ZDHHC11: variants seen among roughly 807,000 people sequenced by gnomAD.
ZDHHC11 encodes the protein zDHHC palmitoyltransferase 11, also known as palmitoyltransferase ZDHHC11.
In ZDHHC11, 44 loss-of-function variants were observed where a neutral mutation model predicts 51.3. The observed-to-expected ratio is 0.86, with a 90% CI of 0.67 to 1.10. The LOEUF is 1.10. ZDHHC11 is among the 50% of genes least tolerant of loss of function. The pLI is 0.00. For missense variants in ZDHHC11, 400 were observed against 537.7 expected, an observed-to-expected ratio of 0.74 and a Z score of 2.53; for synonymous variants, 163 against 222.0, an observed-to-expected ratio of 0.73 and a Z score of 2.36.
chr5:840,837 G>C (rs1446902062), intron 4 of ZDHHC11, 187 bp from the exon 5 acceptor site: 1 of 1,475,232 alleles, frequency 6.8e-7, no homozygotes, highest in East Asian at 2.3e-5. Flanking sequence ...CCTTCGGTTG[G>C]TTTTCATGAT....
Position 842,303 on chromosome 5 carries a change from GAGA to G in ZDHHC11, c.628+1294_628+1296del, listed in dbSNP as rs1391078370. ...TGGGGAAGGTGACTTGCTACTGGGG[GAGA>G]AGAACGCAACAGGCATCGTCCTGGG... On this transcript the variant is annotated intron_variant, in intron 4 of 12. Transcript: ENST00000283441. 4 of 986,802 alleles carry G rather than the reference GAGA, an allele frequency of 4.1e-6. No individual in the cohort carries two copies. In the African/African-American group the frequency reaches 7.0e-5, roughly 17 times the overall value. The allele number at this position is 986,802 out of a possible 1,614,324, so 61.1% of individuals were successfully genotyped here. A position where few individuals can be genotyped will look rare whatever the true frequency, so the allele number is the denominator to read the frequency against.
chr5:854,152 G>A (rs1294435639), upstream of ZDHHC11, among the ~76,000 whole-genome samples: 2 of 137,740 alleles, frequency 1.5e-5, no homozygotes, highest in African/African-American at 5.5e-5. Context: ...ACAGCGAGCC[G>A]GGGGGCACAG....
At chr5:850,300 G>T in intron 1 of ZDHHC11, 81 bp downstream of exon 1, 1 of 1,498,384 alleles carries the variant, frequency 6.7e-7, no homozygotes, top group Non-Finnish European at 9.0e-7. Context: ...GGCAGCCATG[G>T]CCCAGACCCC....
intron 11 of ZDHHC11, among the ~76,000 whole-genome samples, chr5:813,575 G>GTGTCAC (rs1740371197): frequency 6.8e-6 from 1 of 147,986 alleles, no homozygotes; most frequent in African/African-American, 2.6e-5. Context: ...AATGTCGGCC[G>GTGTCAC]TGTCACTGGG....
At chr5:812,756 C>G (rs1412054092) in intron 11 of ZDHHC11, among the ~76,000 whole-genome samples, 1 of 151,490 alleles carries the variant, frequency 6.6e-6, no homozygotes, top group African/African-American at 2.4e-5. Context: ...ATTTTGTTTG[C>G]AAAACCTAAA....
At chr5:847,799 G>C (rs1344138315) in intron 2 of ZDHHC11, 184 bp from the exon 3 acceptor site, 5 of 568,464 alleles carry the variant, frequency 8.8e-6, no homozygotes, top group Non-Finnish European at 1.5e-5. Flanking sequence ...AGGAGGAGAA[G>C]CAGGGCAGCT....
upstream of ZDHHC11, among the ~76,000 whole-genome samples, chr5:860,038 G>A (rs946172773): frequency 2.0e-5 from 3 of 152,222 alleles, no homozygotes; most frequent in African/African-American, 7.2e-5. This position sits in a 1 kb window ranked among gnomAD's most constrained non-coding sequence, Gnocchi z 4.2. Context: ...AGCCTGCTGG[G>A]TCTCACTCTG....
chr5:819,915 CGTT>C (rs1561250725), intron 9 of ZDHHC11, among the ~76,000 whole-genome samples: 1 of 151,304 alleles, frequency 6.6e-6, no homozygotes, highest in Non-Finnish European at 1.5e-5. Flanking sequence ...TAGTGTCCTC[CGTT>C]AGTGTAGCTG....
chr5:827,706 T>C (rs890575656), intron 7 of ZDHHC11, among the ~76,000 whole-genome samples: 1 of 151,040 alleles, frequency 6.6e-6, no homozygotes, highest in African/African-American at 2.4e-5. Flanking sequence ...TATATGCACG[T>C]AATGAGGGAC....
intron 7 of ZDHHC11, among the ~76,000 whole-genome samples, chr5:828,152 A>C (rs573304061): frequency 0.025 from 3,755 of 151,300 alleles, 255 homozygotes; most frequent in African/African-American, 0.083. Context: ...ACACAGACAC[A>C]GCAACCATCC....
At chr5:796,990 G>A (rs1737674544) in intron 12 of ZDHHC11, among the ~76,000 whole-genome samples, 1 of 151,648 alleles carries the variant, frequency 6.6e-6, no homozygotes, top group South Asian at 2.1e-4. Flanking sequence ...GGTGGATCAT[G>A]AGGTCAGGAG....
At chr5:828,219 G>A (rs1467741395) in intron 7 of ZDHHC11, among the ~76,000 whole-genome samples, 1 of 151,364 alleles carries the variant, frequency 6.6e-6, no homozygotes, top group Non-Finnish European at 1.5e-5. Flanking sequence ...AACCGCCATT[G>A]TCATCATGGC....
intron 10 of ZDHHC11, chr5:816,975 C>A (rs1740886145): frequency 8.1e-6 from 2 of 247,640 alleles, no homozygotes; most frequent in South Asian, 6.0e-5. Context: ...CCCTGACACT[C>A]TCCCCATGGG....
At chr5:822,014 G>GATCAAGT in intron 8 of ZDHHC11, 119 bp from the exon 9 acceptor site, 1 of 871,880 alleles carries the variant, frequency 1.1e-6, no homozygotes, top group South Asian at 1.7e-5. Flanking sequence ...GTACATCAAG[G>GATCAAGT]TTGCCTGGAT....
chr5:828,366 GC>G (rs1427383336), intron 7 of ZDHHC11, among the ~76,000 whole-genome samples: 1 of 148,790 alleles, frequency 6.7e-6, no homozygotes, highest in African/African-American at 2.5e-5. Flanking sequence ...GGGTGGAGGT[GC>G]CCCCCACCTC....
At chr5:810,548 G>A (rs1357667478) in intron 11 of ZDHHC11, among the ~76,000 whole-genome samples, 5 of 151,138 alleles carry the variant, frequency 3.3e-5, no homozygotes, top group African/African-American at 1.2e-4. Context: ...GTGTGGCAAA[G>A]CGTGACATGA....
Position 840,488 on chromosome 5 carries a change from G to T in ZDHHC11, c.784+7C>A, listed in dbSNP as rs774860168. 3.7e-6 allele frequency: 6 copies of T among 1,613,460 alleles called. No homozygotes were observed. The highest frequency in any genetic ancestry group is 5.1e-6 in the Non-Finnish European group (6 of 1,179,880). ...GGGGGATCGGGGGCTTAGGGTGGGG[G>T]ACATACTCAGGTAGATGTGGAAGAT... On this transcript the variant is annotated splice_region_variant and intron_variant, in intron 5 of 12. Coordinates refer to ENST00000283441, the MANE Select transcript of ZDHHC11 (RefSeq NM_024786.3).
chr5:854,440 G>A, upstream of ZDHHC11, among the ~76,000 whole-genome samples: 1 of 146,358 alleles, frequency 6.8e-6, no homozygotes, highest in East Asian at 2.1e-4. Context: ...AGGACAGAGA[G>A]CCGGGGAGAC....
At chr5:802,960 G>A (rs1738688913) in intron 11 of ZDHHC11, among the ~76,000 whole-genome samples, 1 of 146,794 alleles carries the variant, frequency 6.8e-6, no homozygotes, top group Non-Finnish European at 1.5e-5. Context: ...GGTGGAGCTT[G>A]CAGTGAGCAG....
Sources: allele counts gnomAD v4.1 joint callset (sites outside exome capture counted in the v4.1 genomes callset), GRCh38; gene constraint gnomAD v4.1.1; non-coding constraint Gnocchi (gnomAD v3.1); transcripts MANE v1.5; gene names NCBI Gene and HGNC (gene_info 2026-07-23, HGNC 2026-07-21).